UBAC1: variants seen among roughly 807,000 people sequenced by gnomAD.
The protein encoded by UBAC1 is UBA domain containing 1.
A neutral mutation model predicts 45.9 loss-of-function variants in UBAC1; 27 were observed. The ratio of observed to expected loss-of-function variants is 0.59; its 90% CI spans 0.43 to 0.81. The LOEUF (loss-of-function observed/expected upper bound fraction) is 0.81, where lower values mean the gene tolerates loss of function less well. UBAC1 is among the 30% of genes least tolerant of loss of function. The pLI, the probability that UBAC1 is intolerant of heterozygous loss-of-function variation, is 0.00. For missense variants in UBAC1, 529 were observed against 539.2 expected (o/e 0.98, Z 0.19); for synonymous variants, 227 against 215.5 (o/e 1.05, Z -0.47).
In UBAC1 at chr9:135,949,743, C is replaced by T. The variant is rs770666580; in HGVS notation, c.334-1838G>A. Among the ~76,000 whole-genome samples the T allele has an allele frequency of 4.6e-5, 7 of 152,342 alleles. 1 individual carries two copies. The highest frequency in any genetic ancestry group is 3.3e-4 in the Admixed American group (5 of 15,296). ...AACTCGAGGACGGCCGCACGCTCCC[C>T]GGGCCTGGCAGTTGCCCGTGCGTGG... On this transcript the variant is annotated intron_variant, in intron 3 of 9. Coordinates refer to ENST00000371756, the MANE Select transcript of UBAC1 (RefSeq NM_016172.3).
At chr9:135,946,638 G>A (rs1254367085) in intron 4 of UBAC1, among the ~76,000 whole-genome samples, 1 of 152,250 alleles carries the variant, frequency 6.6e-6, no homozygotes, top group Non-Finnish European at 1.5e-5. Context: ...TGTGCCCTGT[G>A]AGGAAACCGT....
intron 2 of UBAC1, 157 bp from the exon 3 acceptor site, chr9:135,953,910 G>A (rs1246966657): frequency 3.0e-5 from 13 of 438,824 alleles, no homozygotes; most frequent in African/African-American, 1.0e-4. Flanking sequence ...AGGCTGAGGC[G>A]GGCAAATTAC....
intron 1 of UBAC1, among the ~76,000 whole-genome samples, chr9:135,959,700 C>T (rs1839509491): frequency 6.6e-6 from 1 of 152,122 alleles, no homozygotes; most frequent in Non-Finnish European, 1.5e-5. Context: ...ATACACACAA[C>T]TAGACAAGCA....
intron 2 of UBAC1, 104 bp from the exon 3 acceptor site, chr9:135,953,857 G>A (rs552580550): frequency 1.6e-5 from 16 of 980,644 alleles, no homozygotes; most frequent in African/African-American, 8.3e-5. Flanking sequence ...GCAGGGATTC[G>A]GCCGGGCGCA....
At chr9:135,952,673 C>G (rs1839420424) in intron 3 of UBAC1, among the ~76,000 whole-genome samples, 1 of 152,224 alleles carries the variant, frequency 6.6e-6, no homozygotes, top group African/African-American at 2.4e-5. Flanking sequence ...CAGAACTCAG[C>G]CTCTCTCAGC....
At chr9:135,944,610 G>A (rs746116039) in intron 7 of UBAC1, among the ~76,000 whole-genome samples, 3 of 152,180 alleles carry the variant, frequency 2.0e-5, no homozygotes, top group African/African-American at 4.8e-5. Flanking sequence ...GCGGCCCCTC[G>A]CTCATGGACA....
At chr9:135,955,855 T>A (rs1222962042) in intron 1 of UBAC1, among the ~76,000 whole-genome samples, 1 of 152,194 alleles carries the variant, frequency 6.6e-6, no homozygotes, top group Non-Finnish European at 1.5e-5. Context: ...GAAGACTGGC[T>A]CACAGAGAGC....
chr9:135,948,583 G>GCT (rs1421768912), intron 3 of UBAC1, among the ~76,000 whole-genome samples: 1 of 152,266 alleles, frequency 6.6e-6, no homozygotes, highest in Non-Finnish European at 1.5e-5. Flanking sequence ...CTCCCAGAGA[G>GCT]CTGGGCTTGA....
intron 3 of UBAC1, among the ~76,000 whole-genome samples, chr9:135,952,778 C>T (rs10119464): frequency 0.038 from 5,777 of 152,280 alleles, 254 homozygotes; most frequent in African/African-American, 0.11. Context: ...TATTTGCATT[C>T]CAAATAATCA....
rs534610563 is a variant in UBAC1, at chr9:135,933,975, A to G, written c.1103-460T>C. Among the ~76,000 whole-genome samples, 22 of 152,360 alleles carry G rather than the reference A, an allele frequency of 1.4e-4. 1 individual carries two copies. In the East Asian group the frequency reaches 3.9e-3, roughly 27 times the overall value. ...AATTCCTTCTTCAAAAAACCAGCAC[A>G]TTAAAAATGCAACACAGCACTTCTT... is the stretch of plus-strand genomic sequence containing the variant. On this transcript the variant is annotated intron_variant, in intron 9 of 9. Transcript: ENST00000371756.
At chr9:135,942,558 A>T (rs1839282140) in intron 7 of UBAC1, among the ~76,000 whole-genome samples, 1 of 151,508 alleles carries the variant, frequency 6.6e-6, no homozygotes, top group South Asian at 2.1e-4. Context: ...AGGAGGCTGA[A>T]GTAGCATCAT....
In UBAC1 at chr9:135,961,227, C is replaced by CGGGGAG; in HGVS notation, c.-71_-66dup. The CGGGGAG allele has an allele frequency of 7.1e-7, 1 of 1,412,098 alleles. No homozygotes were observed. Among genetic ancestry groups the CGGGGAG allele is most frequent in the South Asian group, 1.4e-5 (1 of 71,760 alleles). 87.5% of individuals were successfully genotyped at this position (1,412,098 alleles called of 1,614,324 possible). A position where few individuals can be genotyped will look rare whatever the true frequency, so the allele number is the denominator to read the frequency against. ...CCCTGAAGGTCACCGGGAAGGCGGG[C>CGGGGAG]GGGGAGGGGGCGGGGCCAGACCGCC... On this transcript the variant is annotated 5_prime_UTR_variant, in exon 1 of 10. Coordinates refer to ENST00000371756, the MANE Select transcript of UBAC1 (RefSeq NM_016172.3).
At chr9:135,957,903 T>G (rs566906665) in intron 1 of UBAC1, among the ~76,000 whole-genome samples, 1 of 150,890 alleles carries the variant, frequency 6.6e-6, no homozygotes, top group South Asian at 2.1e-4. Context: ...GCCTCCTGAG[T>G]AGGTGGGATT....
chr9:135,947,811 G>T lies in UBAC1; in HGVS notation c.428C>A (p.Thr143Asn), dbSNP rs1453857776. Residue 143 changes from threonine (T) to asparagine (N), a missense_variant, in exon 4 of 10, where the codon ACC (threonine) becomes AAC (asparagine). Physicochemically the swap from Thr to Asn is moderately conservative, Grantham distance 65. Coordinates refer to ENST00000371756, the MANE Select transcript of UBAC1 (RefSeq NM_016172.3). ...GCTGACACTCACGTCTCTCATGTTG[G>T]TCTGGACCGCGGCCCGGTCCATGTT... ...SYNMDRAAVQ[T>N]NMRDFQTELR... is the part of the protein sequence containing the mutation. 6.2e-7 allele frequency: 1 copy of T among 1,613,746 alleles called. No homozygotes were observed. Among genetic ancestry groups the T allele is most frequent in the African/African-American group, 1.3e-5 (1 of 74,930 alleles).
rs779493435 is a variant in UBAC1, at chr9:135,945,175, G to C, written c.729C>G (p.Gly243=). 3.1e-6 allele frequency: 5 copies of C among 1,613,352 alleles called. No homozygotes were observed. Among genetic ancestry groups the C allele is most frequent in the Non-Finnish European group, 4.2e-6 (5 of 1,179,816 alleles). ...EDPTIDTPLP[G]QAPPEAEGAT... ...CCCCCTCGGCCTCTGGGGGAGCTTG[G>C]CCAGGAAGAGGCGTGTCTATGGTCG... is the stretch of plus-strand genomic sequence containing the variant. The change falls in exon 7 of 10, where the codon GGC becomes GGG. Residue 243 remains glycine, a synonymous_variant. Coordinates refer to ENST00000371756, the MANE Select transcript of UBAC1 (RefSeq NM_016172.3).
intron 5 of UBAC1, 49 bp downstream of exon 5, chr9:135,946,220 A>G: frequency 1.5e-6 from 2 of 1,364,140 alleles, no homozygotes; most frequent in Non-Finnish European, 2.1e-6. Flanking sequence ...ACGCTCCCCA[A>G]GGCCGGCAGT....
At chr9:135,949,218 A>G (rs990873472) in intron 3 of UBAC1, among the ~76,000 whole-genome samples, 1 of 152,238 alleles carries the variant, frequency 6.6e-6, no homozygotes, top group Non-Finnish European at 1.5e-5. Flanking sequence ...GAATTTAAAC[A>G]TGTTACAGCC....
rs1839165230 is a variant in UBAC1 at position 135,933,241 on chromosome 9, T to C, written c.*159A>G. The C allele has an allele frequency of 4.8e-6, 3 of 619,682 alleles. No individual in the cohort carries two copies. Among genetic ancestry groups the C allele is most frequent in the Non-Finnish European group, 8.6e-6 (3 of 347,464 alleles). The allele number at this position is 619,682 out of a possible 1,614,324, so 38.4% of individuals were successfully genotyped here. ...CCTTACACACTACCGTCACCAAAGT[T>C]TATAAGCAATAAGATCAGAGAGCAG... On this transcript the variant is annotated 3_prime_UTR_variant, in exon 10 of 10. Coordinates refer to ENST00000371756, the MANE Select transcript of UBAC1 (RefSeq NM_016172.3).
intron 9 of UBAC1, 117 bp downstream of exon 9, chr9:135,938,105 C>T (rs901906755): frequency 7.5e-6 from 11 of 1,458,982 alleles, no homozygotes; most frequent in Non-Finnish European, 9.2e-6. Context: ...GTGCTGCCAG[C>T]GCACGGCGAT....
Sources: gnomAD v4.1 joint callset for allele counts (sites outside exome capture counted in the v4.1 genomes callset) on GRCh38, gnomAD v4.1.1 for gene constraint, MANE v1.5 for transcripts, NCBI Gene and HGNC (gene_info 2026-07-23, HGNC 2026-07-21) for gene names.